The following COBL variants were observed in gnomAD, a reference collection of about 807,000 sequenced individuals.
COBL encodes the protein protein cordon-bleu.
Under a neutral mutation model 98.8 loss-of-function variants are expected in COBL, and 51 were observed. That is an observed-to-expected ratio of 0.52 (90% CI 0.41 to 0.65). The LOEUF (loss-of-function observed/expected upper bound fraction) is 0.65, where lower values mean the gene tolerates loss of function less well. COBL is among the 30% of genes least tolerant of loss of function. The pLI is 0.00. For missense variants in COBL, 1,617 were observed against 1,617.5 expected (o/e 1.00, Z 0.01); for synonymous variants, 634 against 651.7 (o/e 0.97, Z 0.41).
At chr7:51,053,029 T>C (rs1440708414) in intron 7 of COBL, among the ~76,000 whole-genome samples, 1 of 152,216 alleles carries the variant, frequency 6.6e-6, no homozygotes, top group Non-Finnish European at 1.5e-5. Context: ...TGTGGCTGCC[T>C]TTAACTGCAT....
chr7:51,104,960 G>A (rs1252380797), intron 6 of COBL, among the ~76,000 whole-genome samples: 1 of 152,108 alleles, frequency 6.6e-6, no homozygotes. Flanking sequence ...TAGAGTGGGG[G>A]TCAGCCCATA....
intron 1 of COBL, among the ~76,000 whole-genome samples, chr7:51,297,557 A>G (rs552312219): frequency 6.6e-6 from 1 of 151,980 alleles, no homozygotes. Context: ...ATGCCCAGCT[A>G]ATTTTTTGTA....
intron 1 of COBL, among the ~76,000 whole-genome samples, chr7:51,255,041 T>C (rs1463069904): frequency 2.6e-5 from 4 of 152,218 alleles, no homozygotes; most frequent in Non-Finnish European, 5.9e-5. Flanking sequence ...CAAACATATA[T>C]TTCTGAAAGC....
chr7:51,216,674 A>C (rs1793084623), intron 2 of COBL, among the ~76,000 whole-genome samples: 1 of 148,958 alleles, frequency 6.7e-6, no homozygotes, highest in South Asian at 2.1e-4. Flanking sequence ...AGGGAAGCTA[A>C]AAAAAAAAAA....
chr7:51,039,627 T>C (rs1041190421), intron 8 of COBL, among the ~76,000 whole-genome samples: 15 of 152,348 alleles, frequency 9.8e-5, no homozygotes, highest in African/African-American at 3.4e-4. Context: ...TTTCAAGCAA[T>C]ATAGCACAGG....
intron 6 of COBL, among the ~76,000 whole-genome samples, chr7:51,117,945 A>G (rs1797421584): frequency 6.6e-6 from 1 of 152,184 alleles, no homozygotes; most frequent in Non-Finnish European, 1.5e-5. Flanking sequence ...TTTAGTTCTT[A>G]GCCAGGCTGC....
chr7:51,054,688 G>A (rs1328099840), intron 7 of COBL, among the ~76,000 whole-genome samples: 1 of 152,114 alleles, frequency 6.6e-6, no homozygotes. Flanking sequence ...GAAGCCCCCA[G>A]CATCTCAGCT....
At chr7:51,234,808 G>A (rs566888189) in intron 1 of COBL, among the ~76,000 whole-genome samples, 5 of 152,284 alleles carry the variant, frequency 3.3e-5, no homozygotes, top group African/African-American at 1.2e-4. Flanking sequence ...ACTAGACCAG[G>A]GCACATGCTG....
chr7:51,020,228 G>A (rs1280985576), intron 12 of COBL, among the ~76,000 whole-genome samples: 2 of 152,212 alleles, frequency 1.3e-5, no homozygotes, highest in Admixed American at 6.5e-5. Flanking sequence ...TCAAAGGGGA[G>A]CTACGACCTT....
At chr7:51,171,648 GATTT>G (rs1787887407) in intron 5 of COBL, among the ~76,000 whole-genome samples, 1 of 151,718 alleles carries the variant, frequency 6.6e-6, no homozygotes, top group African/African-American at 2.4e-5. Flanking sequence ...ATACTGTTTT[GATTT>G]ATTTTGTAAT....
intron 7 of COBL, among the ~76,000 whole-genome samples, chr7:51,080,652 G>A (rs756157922): frequency 9.9e-5 from 15 of 152,180 alleles, no homozygotes; most frequent in African/African-American, 2.7e-4. Context: ...TAAACACAGC[G>A]TTTGTTATGT....
intron 1 of COBL, among the ~76,000 whole-genome samples, chr7:51,309,678 C>T (rs1249140317): frequency 2.0e-5 from 3 of 152,172 alleles, no homozygotes; most frequent in African/African-American, 7.2e-5. Context: ...GATTTTAGAG[C>T]TCACATGAGT....
intron 2 of COBL, among the ~76,000 whole-genome samples, chr7:51,214,836 G>A (rs1792872020): frequency 6.6e-6 from 1 of 152,154 alleles, no homozygotes; most frequent in South Asian, 2.1e-4. Context: ...TGTTCCCAGT[G>A]GCACACGCAG....
intron 1 of COBL, among the ~76,000 whole-genome samples, chr7:51,300,790 C>A (rs560855471): frequency 6.6e-6 from 1 of 152,310 alleles, no homozygotes; most frequent in Admixed American, 6.5e-5. Context: ...CACACCCTCC[C>A]AAGAACCTTA....
At chr7:51,163,010 A>AG (rs751782543) in intron 5 of COBL, among the ~76,000 whole-genome samples, 7 of 152,266 alleles carry the variant, frequency 4.6e-5, no homozygotes, top group African/African-American at 2.4e-5. Flanking sequence ...ATTCACAAGG[A>AG]GATGGATCAG....
intron 2 of COBL, among the ~76,000 whole-genome samples, chr7:51,216,904 G>A (rs1170744847): frequency 6.6e-6 from 1 of 152,100 alleles, no homozygotes; most frequent in Non-Finnish European, 1.5e-5. Context: ...TTTAAGCAAG[G>A]GTCAGGAATT....
At chr7:51,127,153 T>TCCG (rs1166944923) in intron 6 of COBL, among the ~76,000 whole-genome samples, 1 of 152,220 alleles carries the variant, frequency 6.6e-6, no homozygotes, top group Non-Finnish European at 1.5e-5. Flanking sequence ...CCACCTCATA[T>TCCG]CCGTCTATCA....
At chr7:51,169,170 T>A (rs951756873) in intron 5 of COBL, among the ~76,000 whole-genome samples, 2 of 152,214 alleles carry the variant, frequency 1.3e-5, no homozygotes, top group African/African-American at 4.8e-5. Flanking sequence ...CTTATTTTAA[T>A]CCAGACATTC....
intron 5 of COBL, among the ~76,000 whole-genome samples, chr7:51,156,972 C>T (rs1786212061): frequency 6.6e-6 from 1 of 152,206 alleles, no homozygotes; most frequent in African/African-American, 2.4e-5. Flanking sequence ...CTTCGCCCTT[C>T]TCACAAGGAG....
Sources: allele counts gnomAD v4.1 joint callset (sites outside exome capture counted in the v4.1 genomes callset), GRCh38; gene constraint gnomAD v4.1.1; transcripts MANE v1.5; gene names NCBI Gene and HGNC (gene_info 2026-07-23, HGNC 2026-07-21).